NRG1: variants seen among roughly 807,000 people sequenced by gnomAD.
NRG1 encodes pro-neuregulin-1, membrane-bound isoform.
A neutral mutation model predicts 63.8 loss-of-function variants in NRG1; 18 were observed. The observed-to-expected ratio is 0.28, with a 90% CI of 0.19 to 0.42. The LOEUF (loss-of-function observed/expected upper bound fraction) is 0.42, where lower values mean the gene tolerates loss of function less well. NRG1 is among the 10% of genes least tolerant of loss of function. The probability of loss-of-function intolerance (pLI) is 1.00; values close to 1 mark genes in which losing one functional copy is unlikely to be tolerated. For synonymous variants in NRG1, 302 were observed against 301.3 expected (o/e 1.00, Z -0.02); for missense variants, 762 against 814.7 (o/e 0.94, Z 0.79).
intron 1 of NRG1, among the ~76,000 whole-genome samples, chr8:31,833,298 C>T (rs1446985378): frequency 6.6e-6 from 1 of 152,124 alleles, no homozygotes; most frequent in East Asian, 1.9e-4. Flanking sequence ...CTCAGAAAAG[C>T]ACATGGTTCC....
At chr8:32,575,831 C>A (rs963827298) in intron 1 of NRG1, among the ~76,000 whole-genome samples, 3 of 152,136 alleles carry the variant, frequency 2.0e-5, no homozygotes, top group African/African-American at 7.2e-5. Flanking sequence ...TCTGAGGACC[C>A]AGATATGCTA....
chr8:31,800,286 C>T (rs1356358209), intron 1 of NRG1, among the ~76,000 whole-genome samples: 5 of 152,128 alleles, frequency 3.3e-5, no homozygotes, highest in Admixed American at 2.6e-4. Flanking sequence ...GGTGGTGGGG[C>T]GAGGTAACAT....
intron 1 of NRG1, among the ~76,000 whole-genome samples, chr8:31,656,993 C>G (rs753045174): frequency 2.7e-4 from 41 of 152,208 alleles, no homozygotes; most frequent in Non-Finnish European, 5.6e-4. Context: ...TAATGAATGG[C>G]AGTCAAGGAA....
In NRG1 at chr8:32,272,180, C is replaced by T. The variant is rs1851617062; in HGVS notation, c.38-323648C>T. On this transcript the variant is annotated intron_variant, in intron 1 of 10. Coordinates refer to the NRG1 transcript ENST00000519301. ...TCCCACCATTCTGGAGGCTGGAAGT[C>T]CAAGGTCAGGGTGCCAGCCTGCATG... Among the ~76,000 whole-genome samples the T allele has an allele frequency of 2.6e-5, 4 of 152,156 alleles. No individual in the cohort carries two copies. In the South Asian group the frequency reaches 8.3e-4, roughly 32 times the overall value.
intron 1 of NRG1, among the ~76,000 whole-genome samples, chr8:31,724,986 G>A (rs1412609224): frequency 6.6e-6 from 1 of 152,178 alleles, no homozygotes; most frequent in Non-Finnish European, 1.5e-5. Flanking sequence ...ATAAACAAAT[G>A]AGGGCTGCTC....
intron 1 of NRG1, among the ~76,000 whole-genome samples, chr8:31,783,465 A>G (rs112719778): frequency 3.9e-5 from 6 of 152,186 alleles, no homozygotes; most frequent in South Asian, 4.1e-4. Flanking sequence ...AGAGACCCCA[A>G]CTGGAAACAT....
intron 1 of NRG1, among the ~76,000 whole-genome samples, chr8:31,867,597 A>AG (rs951168803): frequency 5.6e-5 from 1 of 18,012 alleles, no homozygotes; most frequent in African/African-American, 2.1e-4. Flanking sequence ...TTGGGAAAAT[A>AG]AGGCTGTAAT....
chr8:32,490,074 T>A (rs1826368164), intron 1 of NRG1, among the ~76,000 whole-genome samples: 1 of 151,998 alleles, frequency 6.6e-6, no homozygotes, highest in Admixed American at 6.6e-5. Context: ...GAGACCAAGG[T>A]AGGAGGATAT....
At chr8:32,037,884 A>G (rs1045687479) in intron 1 of NRG1, among the ~76,000 whole-genome samples, 17 of 152,190 alleles carry the variant, frequency 1.1e-4, no homozygotes, top group Admixed American at 1.0e-3. Context: ...ACTGGCTGAC[A>G]GGGATTCCAA....
At chr8:31,862,017 TATA>T (rs1438737751) in intron 1 of NRG1, among the ~76,000 whole-genome samples, 1 of 152,134 alleles carries the variant, frequency 6.6e-6, no homozygotes, top group Non-Finnish European at 1.5e-5. Context: ...GATCACCAGG[TATA>T]ATGTTATGCT....
At chr8:32,751,427 C>G (rs773842453) in intron 7 of NRG1, among the ~76,000 whole-genome samples, 1 of 152,134 alleles carries the variant, frequency 6.6e-6, no homozygotes, top group Non-Finnish European at 1.5e-5. Context: ...TTAGCCCTGT[C>G]TGTCTCTAAT....
intron 1 of NRG1, among the ~76,000 whole-genome samples, chr8:31,865,499 A>C (rs1828873894): frequency 6.6e-6 from 1 of 152,022 alleles, no homozygotes; most frequent in Admixed American, 6.6e-5. Context: ...CATAATCTCC[A>C]TGTGTCATGG....
rs186550934 is a variant in NRG1 at position 31,894,652 on chromosome 8, G to A, written c.37+255221G>A. On this transcript the variant is annotated intron_variant, in intron 1 of 10. Transcript: ENST00000519301. ...TGCGAGCTCCGCCTCCCGGGTTCAC[G>A]CCATTCTCCTGCCTCAGCCTCCTGA... is the stretch of plus-strand genomic sequence containing the variant. Among the ~76,000 whole-genome samples, 25 of 149,444 alleles carry A rather than the reference G, an allele frequency of 1.7e-4. 1 individual carries two copies. Among genetic ancestry groups the A allele is most frequent in the African/African-American group, 5.7e-4 (23 of 40,220 alleles).
chr8:32,025,998 C>T (rs1817249034), intron 1 of NRG1, among the ~76,000 whole-genome samples: 1 of 150,752 alleles, frequency 6.6e-6, no homozygotes, highest in Non-Finnish European at 1.5e-5. Flanking sequence ...GGTCCTCTTT[C>T]CCTGCTTCAC....
At chr8:32,743,323 A>G (rs923814489) in intron 7 of NRG1, 1 of 653,156 alleles carries the variant, frequency 1.5e-6, no homozygotes, top group Admixed American at 6.3e-5. Context: ...TTTCACAGCA[A>G]ATGAGATATC....
In NRG1 at chr8:32,648,125, G is replaced by A. The variant is rs192228210; in HGVS notation, c.502+31240G>A. 3.8e-5 allele frequency: 61 copies of A among 1,613,986 alleles called. No individual in the cohort carries two copies. In the East Asian group the frequency reaches 1.1e-3, roughly 30 times the overall value. On this transcript the variant is annotated intron_variant, in intron 5 of 11. Transcript: ENST00000356819. ...CTGCTGCCTCAGCTGTGTGGGTGTC[G>A]TCTGAGGCATACACTTCACCTGTCT... is the stretch of plus-strand genomic sequence containing the variant.
At chr8:31,879,634 G>A (rs537021087) in intron 1 of NRG1, among the ~76,000 whole-genome samples, 11 of 152,238 alleles carry the variant, frequency 7.2e-5, no homozygotes, top group Middle Eastern at 3.4e-3. Context: ...GGGGTTTGTT[G>A]TACATATTAT....
chr8:31,699,010 G>T (rs1330774154), intron 1 of NRG1, among the ~76,000 whole-genome samples: 1 of 152,286 alleles, frequency 6.6e-6, no homozygotes, highest in South Asian at 2.1e-4. Context: ...TCATTGGTTA[G>T]GACCCACTGA....
chr8:32,341,203 C>T (rs971710392), intron 1 of NRG1, among the ~76,000 whole-genome samples: 1 of 152,152 alleles, frequency 6.6e-6, no homozygotes, highest in African/African-American at 2.4e-5. Flanking sequence ...GTGCAGAAAC[C>T]CGAATTCCAG....
Sources: allele counts gnomAD v4.1 joint callset (sites outside exome capture counted in the v4.1 genomes callset), GRCh38; gene constraint gnomAD v4.1.1; transcripts MANE v1.5; gene names NCBI Gene and HGNC (gene_info 2026-07-23, HGNC 2026-07-21).